The following ALOX5AP variants were observed in gnomAD, a reference collection of about 807,000 sequenced individuals.
The protein encoded by ALOX5AP is arachidonate 5-lipoxygenase activating protein, also known as arachidonate 5-lipoxygenase-activating protein.
A neutral mutation model predicts 18.5 loss-of-function variants in ALOX5AP; 9 were observed. That is an observed-to-expected ratio of 0.49 (90% CI 0.29 to 0.85). The LOEUF (loss-of-function observed/expected upper bound fraction) is 0.85, where lower values mean the gene tolerates loss of function less well. Among genes scored for constraint, ALOX5AP ranks in the 40% least tolerant of loss-of-function variants. The pLI is 0.08. For synonymous variants in ALOX5AP, 81 were observed against 78.6 expected, an observed-to-expected ratio of 1.03 and a Z score of -0.16; for missense variants, 172 against 202.5, an observed-to-expected ratio of 0.85 and a Z score of 0.91.
Position 30,756,022 on chromosome 13 carries a change from A to C in ALOX5AP, c.320A>C (p.Gln107Pro). 6.2e-7 allele frequency: 1 copy of C among 1,613,970 alleles called. No homozygotes were observed. Among genetic ancestry groups the C allele is most frequent in the South Asian group, 1.1e-5 (1 of 91,090 alleles). The change falls in exon 4 of 5, where the codon CAG becomes CCG. Residue 107 changes from glutamine (Q) to proline (P), a missense_variant. Transcript: ENST00000380490. ...YFVGYLGERT[Q>P]STPGYIFGKR... ...GTCGGTTACCTAGGAGAGAGAACGC[A>C]GAGGTAGGTAACTGGGACTACTAAA...
In ALOX5AP at chr13:30,763,999, G is replaced by T. The variant is rs752556834; in HGVS notation, c.379G>T (p.Val127Phe). 2.5e-6 allele frequency: 4 copies of T among 1,614,066 alleles called. No homozygotes were observed. The highest frequency in any genetic ancestry group is 1.7e-4 in the Middle Eastern group (1 of 6,060). Residue 127 changes from valine (V) to phenylalanine (F), a missense_variant, in exon 5 of 5, where the codon GTT becomes TTT. Transcript: ENST00000380490. Reference sequence around the variant, plus strand: ...CATACTCTTCCTGTTCCTCATGTCCGTTGCTGGCATATTCAACTATTACCT... The same window carrying T: ...CATACTCTTCCTGTTCCTCATGTCCTTTGCTGGCATATTCAACTATTACCT... ...RIILFLFLMS[V>F]AGIFNYYLIF...
intron 3 of ALOX5AP, among the ~76,000 whole-genome samples, chr13:30,754,919 G>T (rs17239193): frequency 6.6e-6 from 1 of 152,170 alleles, no homozygotes; most frequent in African/African-American, 2.4e-5. Context: ...TTCCCAAAAC[G>T]CCAGGAGCAC....
intron 1 of ALOX5AP, among the ~76,000 whole-genome samples, chr13:30,742,135 G>A (rs917894195): frequency 1.3e-4 from 20 of 152,072 alleles, no homozygotes; most frequent in Non-Finnish European, 2.6e-4. Context: ...GGCCAATATG[G>A]TGAAACCCCA....
chr13:30,730,716 G>A (rs1435429084), upstream of ALOX5AP, among the ~76,000 whole-genome samples: 1 of 152,190 alleles, frequency 6.6e-6, no homozygotes, highest in Non-Finnish European at 1.5e-5. Flanking sequence ...CGGGCATAGT[G>A]GCCCCGTTGC....
At chr13:30,733,759 G>T (rs899108318), upstream of ALOX5AP, among the ~76,000 whole-genome samples, 1 of 152,186 alleles carries the variant, frequency 6.6e-6, no homozygotes. Flanking sequence ...ACAAAAAGCG[G>T]GCAGAAGGGC....
intron 1 of ALOX5AP, among the ~76,000 whole-genome samples, chr13:30,738,063 A>G (rs1310705936): frequency 1.3e-5 from 2 of 152,122 alleles, no homozygotes; most frequent in Non-Finnish European, 2.9e-5. Context: ...CATTCTGAAC[A>G]TTTCCTGTTA....
At chr13:30,726,287 C>A (rs985665014) in intron 1 of ALOX5AP, among the ~76,000 whole-genome samples, 3 of 152,138 alleles carry the variant, frequency 2.0e-5, no homozygotes, top group African/African-American at 7.2e-5. Flanking sequence ...AATTGGACTG[C>A]CACTTCACAA....
intron 4 of ALOX5AP, among the ~76,000 whole-genome samples, chr13:30,756,813 CAAAAAAAAAAAA>C (rs60551684): frequency 3.4e-5 from 2 of 59,284 alleles, no homozygotes; most frequent in Admixed American, 2.4e-4. Context: ...AACTCCATCT[CAAAAAAAAAAAA>C]AAAAAAAAAA....
intron 2 of ALOX5AP, among the ~76,000 whole-genome samples, chr13:30,750,956 GGTTTCTC>G (rs1951846873): frequency 6.6e-6 from 1 of 152,210 alleles, no homozygotes; most frequent in African/African-American, 2.4e-5. Flanking sequence ...GCAAGGAAAT[GGTTTCTC>G]CCCTAGAAGT....
At chr13:30,758,702 C>T (rs1414944938) in intron 4 of ALOX5AP, among the ~76,000 whole-genome samples, 3 of 152,144 alleles carry the variant, frequency 2.0e-5, no homozygotes, top group African/African-American at 4.8e-5. Context: ...GTTTAGTTCA[C>T]CTGTAGCAGT....
At chr13:30,734,113 C>CT (rs1951702657), upstream of ALOX5AP, among the ~76,000 whole-genome samples, 1 of 152,114 alleles carries the variant, frequency 6.6e-6, no homozygotes, top group Non-Finnish European at 1.5e-5. Flanking sequence ...TATGAGGAGA[C>CT]TTATTTATAT....
At chr13:30,749,758 T>C (rs1470101536) in intron 2 of ALOX5AP, among the ~76,000 whole-genome samples, 1 of 152,184 alleles carries the variant, frequency 6.6e-6, no homozygotes, top group Non-Finnish European at 1.5e-5. Context: ...GTGCCTGGAT[T>C]CCAGGGTAGG....
intron 1 of ALOX5AP, among the ~76,000 whole-genome samples, chr13:30,727,104 A>G (rs1280469464): frequency 1.3e-5 from 2 of 151,032 alleles, no homozygotes; most frequent in Admixed American, 6.6e-5. Context: ...CCCAGGCTGC[A>G]GTGCAGTGGT....
chr13:30,764,144 C>T lies in ALOX5AP; in HGVS notation c.*38C>T, dbSNP rs569611781. On this transcript the variant is annotated 3_prime_UTR_variant, in exon 5 of 5. Transcript: ENST00000380490. Reference sequence around the variant, plus strand: ...TATGGGGTTGGTGTTCTCATCTAATCAATACCTACAAGTCATCATAATTCA... The same window carrying T: ...TATGGGGTTGGTGTTCTCATCTAATTAATACCTACAAGTCATCATAATTCA... The T allele has an allele frequency of 9.4e-6, 15 of 1,590,874 alleles. No individual in the cohort carries two copies. The South Asian group carries it at 1.6e-4, about 17-fold the overall frequency.
At chr13:30,750,968 A>G (rs1043227554) in intron 2 of ALOX5AP, among the ~76,000 whole-genome samples, 1 of 152,224 alleles carries the variant, frequency 6.6e-6, no homozygotes, top group African/African-American at 2.4e-5. Flanking sequence ...TTTCTCCCCT[A>G]GAAGTTCCAG....
Position 30,718,382 on chromosome 13 carries a change from CATATATAT to C in ALOX5AP, c.116+4558_116+4565del, listed in dbSNP as rs59562797. On this transcript the variant is annotated intron_variant, in intron 1 of 5. Coordinates refer to the ALOX5AP transcript ENST00000617770. The stretch of plus-strand genomic sequence containing the variant: ...TGGATGAAAACCTATCACAGATATG[CATATATAT>C]ATATATATATATATATGCATATCTA... Among the ~76,000 whole-genome samples the C allele has an allele frequency of 1.3e-3, 175 of 139,632 alleles. 2 individuals are homozygous for C. The East Asian group carries it at 0.019, about 15-fold the overall frequency. 91.6% of individuals were successfully genotyped at this position (139,632 alleles called of 152,430 possible). A position where few individuals can be genotyped will look rare whatever the true frequency, so the allele number is the denominator to read the frequency against.
chr13:30,735,699 G>A (rs1951715559), intron 1 of ALOX5AP, 24 bp downstream of exon 1: 2 of 1,612,208 alleles, frequency 1.2e-6, no homozygotes, highest in East Asian at 2.2e-5. Context: ...TTCACTCAGG[G>A]AAGAACAGAA....
chr13:30,725,920 C>G (rs9315041), intron 1 of ALOX5AP, among the ~76,000 whole-genome samples: 21,784 of 152,200 alleles, frequency 0.14, 1,605 homozygotes, highest in South Asian at 0.21. Flanking sequence ...TAGCAACACC[C>G]TGCTGGCCTG....
intron 4 of ALOX5AP, among the ~76,000 whole-genome samples, chr13:30,763,494 G>A (rs867177592): frequency 6.6e-6 from 1 of 152,144 alleles, no homozygotes; most frequent in Non-Finnish European, 1.5e-5. Context: ...AGATTCCACC[G>A]GTTTTATCGG....
Sources: allele counts gnomAD v4.1 joint callset (sites outside exome capture counted in the v4.1 genomes callset), GRCh38; gene constraint gnomAD v4.1.1; transcripts MANE v1.5; gene names NCBI Gene and HGNC (gene_info 2026-07-23, HGNC 2026-07-21).